Variants in MEGF11 observed in about 807,000 individuals in gnomAD.
MEGF11 encodes the protein multiple epidermal growth factor-like domains protein 11.
A neutral mutation model predicts 146.6 loss-of-function variants in MEGF11; 126 were observed. That is an observed-to-expected ratio of 0.86 (90% CI 0.74 to 1.00). The LOEUF (loss-of-function observed/expected upper bound fraction) is 1.00. MEGF11 is among the 50% of genes least tolerant of loss of function. The pLI is 0.00. For synonymous variants in MEGF11, 532 were observed against 583.4 expected (o/e 0.91, Z 1.27); for missense variants, 1,509 against 1,521.2 (o/e 0.99, Z 0.13).
At chr15:65,971,374 G>T (rs868415274) in intron 7 of MEGF11, 1 of 152,616 alleles carries the variant, frequency 6.6e-6, no homozygotes, top group East Asian at 1.9e-4. Context: ...GAAGGTGCAG[G>T]TATGATCAAA....
At chr15:65,903,444 T>C (rs2078543777) in intron 24 of MEGF11, among the ~76,000 whole-genome samples, 1 of 152,136 alleles carries the variant, frequency 6.6e-6, no homozygotes, top group South Asian at 2.1e-4. Context: ...CTTCAGTAAG[T>C]AACAGGGGAA....
chr15:66,091,344 C>T (rs1023654961), intron 5 of MEGF11, among the ~76,000 whole-genome samples: 77 of 152,240 alleles, frequency 5.1e-4, no homozygotes, highest in African/African-American at 1.8e-3. Context: ...ACAGCAATAT[C>T]TCAGGGCCAC....
chr15:66,242,722 T>C (rs2092234808), intron 1 of MEGF11, among the ~76,000 whole-genome samples: 1 of 152,138 alleles, frequency 6.6e-6, no homozygotes, highest in African/African-American at 2.4e-5. Flanking sequence ...CAGAAGTTAC[T>C]GTCAACTCCT....
intron 1 of MEGF11, among the ~76,000 whole-genome samples, chr15:66,208,304 G>A (rs1163581094): frequency 6.6e-6 from 1 of 152,046 alleles, no homozygotes; most frequent in East Asian, 1.9e-4. Context: ...GATGTTTTGT[G>A]TATATAATGA....
At chr15:65,946,827 C>T (rs1005764194) in intron 10 of MEGF11, among the ~76,000 whole-genome samples, 10 of 152,138 alleles carry the variant, frequency 6.6e-5, no homozygotes, top group African/African-American at 2.4e-4. Context: ...AGCACAAGAC[C>T]CCACCTTGGC....
chr15:66,209,383 G>T (rs768653582), intron 1 of MEGF11, among the ~76,000 whole-genome samples: 7 of 151,818 alleles, frequency 4.6e-5, no homozygotes, highest in Non-Finnish European at 8.8e-5. Context: ...AAACACGCAA[G>T]TACCATATGA....
chr15:65,898,710 C>T lies in MEGF11; in HGVS notation c.3262+18G>A. The T allele has an allele frequency of 6.2e-7, 1 of 1,612,444 alleles. No homozygotes were observed. The highest frequency in any genetic ancestry group is 8.5e-7 in the Non-Finnish European group (1 of 1,179,246). On this transcript the variant is annotated intron_variant, in intron 25 of 25. Transcript: ENST00000395614. ...CTATTGCCCTGATTTCACTAAGTTA[C>T]TTATTTGAGACACCTACCAACTTCA...
chr15:66,097,404 G>A (rs1185748683), intron 4 of MEGF11, among the ~76,000 whole-genome samples: 1 of 152,206 alleles, frequency 6.6e-6, no homozygotes, highest in Non-Finnish European at 1.5e-5. Context: ...TGCTCCTAGA[G>A]CGTGTGGGTG....
intron 1 of MEGF11, among the ~76,000 whole-genome samples, chr15:66,160,971 T>G (rs1333395411): frequency 6.6e-6 from 1 of 151,338 alleles, no homozygotes; most frequent in Non-Finnish European, 1.5e-5. Flanking sequence ...AGGGGAGGAG[T>G]GCCCAGGTGC....
chr15:66,174,759 C>A (rs1370496297), intron 1 of MEGF11, among the ~76,000 whole-genome samples: 1 of 151,994 alleles, frequency 6.6e-6, no homozygotes, highest in Non-Finnish European at 1.5e-5. Context: ...GGAGTCAAAA[C>A]CCCCAGTCCC....
intron 1 of MEGF11, among the ~76,000 whole-genome samples, chr15:66,171,767 T>C (rs11633915): frequency 0.2 from 28,260 of 143,022 alleles, 2,914 homozygotes; most frequent in South Asian, 0.34. Flanking sequence ...TTTCCTCCAG[T>C]TCCCCCCACC....
chr15:65,987,716 T>C (rs2081911767), intron 5 of MEGF11, among the ~76,000 whole-genome samples: 1 of 152,136 alleles, frequency 6.6e-6, no homozygotes, highest in Non-Finnish European at 1.5e-5. Flanking sequence ...TCTATTTTAT[T>C]ATTTTTATTT....
chr15:66,090,472 T>C (rs2086275752), intron 5 of MEGF11, among the ~76,000 whole-genome samples: 2 of 152,210 alleles, frequency 1.3e-5, no homozygotes. Flanking sequence ...CGATTTGAGG[T>C]TATATATTGC....
intron 5 of MEGF11, among the ~76,000 whole-genome samples, chr15:66,035,897 A>G (rs2083707824): frequency 6.6e-6 from 1 of 152,250 alleles, no homozygotes; most frequent in Admixed American, 6.5e-5. Flanking sequence ...CTTCACATCT[A>G]CGGGTGAATC....
At chr15:66,104,025 ATG>A (rs1215803466) in intron 4 of MEGF11, among the ~76,000 whole-genome samples, 1 of 152,208 alleles carries the variant, frequency 6.6e-6, no homozygotes, top group African/African-American at 2.4e-5. Flanking sequence ...AGCTGTACAC[ATG>A]TAGAGAGTGA....
At chr15:66,165,038 C>T (rs748638784) in intron 1 of MEGF11, among the ~76,000 whole-genome samples, 1 of 152,170 alleles carries the variant, frequency 6.6e-6, no homozygotes, top group Non-Finnish European at 1.5e-5. Flanking sequence ...TGAGCACAGC[C>T]GGGCTCATCT....
chr15:65,929,761 T>TGCAGGA lies in MEGF11; in HGVS notation c.1525_1530dup (p.Ser509_Cys510dup), dbSNP rs759791792. 1 of 1,552,922 alleles carries TGCAGGA rather than the reference T, an allele frequency of 6.4e-7. No individual in the cohort carries two copies. Among genetic ancestry groups the TGCAGGA allele is most frequent in the South Asian group, 1.2e-5 (1 of 84,116 alleles). On this transcript the variant is annotated inframe_insertion, in exon 12 of 26. Coordinates refer to ENST00000395614, the MANE Select transcript of MEGF11 (RefSeq NM_001385028.1). ...CAGGTGTCTCCCAGCCAGCCAGGAG[T>TGCAGGA]GCAGGAGCAGGAGCCGTCTATGGGG...
chr15:65,936,787 T>C (rs536922115), intron 10 of MEGF11, among the ~76,000 whole-genome samples: 1 of 152,290 alleles, frequency 6.6e-6, no homozygotes, highest in Non-Finnish European at 1.5e-5. Flanking sequence ...AAATAATGTG[T>C]GAGTGAGGGG....
chr15:66,059,065 C>T (rs2084795256), intron 5 of MEGF11, among the ~76,000 whole-genome samples: 1 of 152,174 alleles, frequency 6.6e-6, no homozygotes, highest in Non-Finnish European at 1.5e-5. Flanking sequence ...ACCCCAGTGA[C>T]TGTTGAATAT....
Sources: gnomAD v4.1 joint callset for allele counts (sites outside exome capture counted in the v4.1 genomes callset) on GRCh38, gnomAD v4.1.1 for gene constraint, MANE v1.5 for transcripts, NCBI Gene and HGNC (gene_info 2026-07-23, HGNC 2026-07-21) for gene names.